LRRC4C: variants seen among roughly 807,000 people sequenced by gnomAD.
LRRC4C encodes leucine-rich repeat-containing protein 4C.
In LRRC4C, 5 loss-of-function variants were observed where a neutral mutation model predicts 33.6. The ratio of observed to expected loss-of-function variants is 0.15; its 90% CI spans 0.08 to 0.31. The LOEUF (loss-of-function observed/expected upper bound fraction) is 0.31. Ranked by LOEUF, LRRC4C falls within the 10% of genes least tolerant of loss-of-function variation. The pLI is 1.00. For synonymous variants in LRRC4C, 329 were observed against 302.0 expected, an observed-to-expected ratio of 1.09 and a Z score of -0.93; for missense variants, 560 against 796.7, an observed-to-expected ratio of 0.70 and a Z score of 3.58.
At chr11:40,773,490 A>G (rs750637282) in intron 2 of LRRC4C, among the ~76,000 whole-genome samples, 9 of 151,774 alleles carry the variant, frequency 5.9e-5, no homozygotes, top group East Asian at 1.9e-4. Context: ...TACACCTACT[A>G]TGTACCCATA....
At chr11:40,170,976 G>A (rs4429048) in intron 5 of LRRC4C, among the ~76,000 whole-genome samples, 50,075 of 152,004 alleles carry the variant, frequency 0.33, 8,606 homozygotes, top group Middle Eastern at 0.38. Flanking sequence ...ATGTAGCGAG[G>A]AAGTAGATCA....
intron 2 of LRRC4C, among the ~76,000 whole-genome samples, chr11:40,834,299 T>A (rs1212157540): frequency 2.0e-5 from 3 of 151,908 alleles, no homozygotes; most frequent in Admixed American, 6.6e-5. Flanking sequence ...GGTAAAACCC[T>A]GTCTCTACTA....
chr11:41,154,749 C>T (rs754995587), intron 1 of LRRC4C, among the ~76,000 whole-genome samples: 30 of 152,104 alleles, frequency 2.0e-4, no homozygotes, highest in Admixed American at 6.6e-4. Flanking sequence ...TTGAGTCACA[C>T]AATTGCACGA....
chr11:40,568,313 C>T (rs1272149465), intron 3 of LRRC4C, among the ~76,000 whole-genome samples: 4 of 152,106 alleles, frequency 2.6e-5, no homozygotes, highest in Admixed American at 1.3e-4. Context: ...AGGGCACATA[C>T]GTTATTGAGC....
intron 2 of LRRC4C, among the ~76,000 whole-genome samples, chr11:40,929,676 G>A (rs1293010257): frequency 2.6e-5 from 4 of 151,764 alleles, no homozygotes; most frequent in South Asian, 2.1e-4. Context: ...GTGCAGTGGC[G>A]CGATCTCGGC....
chr11:41,174,760 C>A (rs1384625425), intron 1 of LRRC4C, among the ~76,000 whole-genome samples: 2 of 152,042 alleles, frequency 1.3e-5, no homozygotes, highest in Admixed American at 1.3e-4. Context: ...GCTCAGAACT[C>A]TTTCTTGAGC....
intron 2 of LRRC4C, among the ~76,000 whole-genome samples, chr11:40,707,143 A>G (rs967030962): frequency 6.6e-6 from 1 of 152,214 alleles, no homozygotes; most frequent in African/African-American, 2.4e-5. Flanking sequence ...ATATACAATC[A>G]TGTCATCTGC....
chr11:40,234,232 T>G (rs1168835817), intron 5 of LRRC4C, among the ~76,000 whole-genome samples: 2 of 152,216 alleles, frequency 1.3e-5, no homozygotes, highest in Non-Finnish European at 2.9e-5. Context: ...CAAGGCACAA[T>G]GCTAATCATT....
intron 5 of LRRC4C, among the ~76,000 whole-genome samples, chr11:40,180,858 AT>A (rs1565098298): frequency 2.0e-5 from 3 of 152,290 alleles, no homozygotes; most frequent in Middle Eastern, 3.4e-3. Flanking sequence ...TTTTGTATTT[AT>A]CATAAAGTCC....
At chr11:40,174,058 T>C (rs1041691321) in intron 5 of LRRC4C, among the ~76,000 whole-genome samples, 4 of 152,138 alleles carry the variant, frequency 2.6e-5, no homozygotes, top group Non-Finnish European at 5.9e-5. Context: ...CCCCACCTAA[T>C]TGAGGAACAA....
At chr11:41,221,218 T>C (rs1030999777) in intron 1 of LRRC4C, among the ~76,000 whole-genome samples, 6 of 145,026 alleles carry the variant, frequency 4.1e-5, no homozygotes, top group African/African-American at 1.5e-4. Flanking sequence ...AACAACCTCA[T>C]AAAAAAGTGG....
chr11:40,804,562 A>G (rs1951168589), intron 2 of LRRC4C, among the ~76,000 whole-genome samples: 1 of 152,174 alleles, frequency 6.6e-6, no homozygotes, highest in Non-Finnish European at 1.5e-5. Flanking sequence ...AAACAGAGGA[A>G]AATGCTCCCT....
At chr11:40,172,755 T>C (rs1202833318) in intron 5 of LRRC4C, among the ~76,000 whole-genome samples, 1 of 152,086 alleles carries the variant, frequency 6.6e-6, no homozygotes, top group Non-Finnish European at 1.5e-5. Flanking sequence ...GCACCATCAC[T>C]CTCGATTCAT....
chr11:41,067,410 C>T (rs1938331477), intron 1 of LRRC4C, among the ~76,000 whole-genome samples: 1 of 152,188 alleles, frequency 6.6e-6, no homozygotes, highest in Non-Finnish European at 1.5e-5. Flanking sequence ...CACCCAGATT[C>T]ATAAAGCAAG....
intron 1 of LRRC4C, among the ~76,000 whole-genome samples, chr11:41,389,440 A>T (rs1427280675): frequency 6.6e-6 from 1 of 151,754 alleles, no homozygotes; most frequent in Non-Finnish European, 1.5e-5. Flanking sequence ...CTAAGTTTCA[A>T]TTAAATATAG....
chr11:41,319,288 A>G (rs909350928), intron 1 of LRRC4C, among the ~76,000 whole-genome samples: 1 of 150,772 alleles, frequency 6.6e-6, no homozygotes, highest in Non-Finnish European at 1.5e-5. Flanking sequence ...TAATTAAAAG[A>G]AATTAAAAAT....
intron 1 of LRRC4C, among the ~76,000 whole-genome samples, chr11:41,282,128 A>G (rs1194459113): frequency 6.6e-6 from 1 of 152,232 alleles, no homozygotes; most frequent in African/African-American, 2.4e-5. Context: ...GCGATTGTGA[A>G]ATGTAAGGGG....
Position 41,358,812 on chromosome 11 carries a change from T to G in LRRC4C, c.-496+100619A>C, listed in dbSNP as rs143544738. On this transcript the variant is annotated intron_variant, in intron 1 of 6. Coordinates refer to ENST00000528697, the MANE Select transcript of LRRC4C (RefSeq NM_001258419.2). ...ACAACCATTTTGGAAGACAATTTGGTGGATTCTGACAAAACCAAACATTCT... is the reference window on the plus strand; with the variant it reads ...ACAACCATTTTGGAAGACAATTTGGGGGATTCTGACAAAACCAAACATTCT... Among the ~76,000 whole-genome samples the G allele has an allele frequency of 3.7e-3, 565 of 152,288 alleles. 2 individuals carry two copies. Among genetic ancestry groups the G allele is most frequent in the African/African-American group, 0.012 (518 of 41,578 alleles).
chr11:40,152,093 C>T (rs1037243361), intron 5 of LRRC4C, among the ~76,000 whole-genome samples: 7 of 152,072 alleles, frequency 4.6e-5, no homozygotes, highest in Admixed American at 2.0e-4. Flanking sequence ...ATGGACTGCT[C>T]CTGCAGGACT....
Sources: allele counts gnomAD v4.1 joint callset (sites outside exome capture counted in the v4.1 genomes callset), GRCh38; gene constraint gnomAD v4.1.1; transcripts MANE v1.5; gene names NCBI Gene and HGNC (gene_info 2026-07-23, HGNC 2026-07-21).